Variants in NOL10 observed in about 807,000 individuals in gnomAD.
NOL10 encodes nucleolar protein 10.
NOL10 carries 58 observed loss-of-function variants against 103.5 expected under a neutral mutation model. The ratio of observed to expected loss-of-function variants is 0.56; its 90% CI spans 0.45 to 0.70. The LOEUF (loss-of-function observed/expected upper bound fraction) is 0.70. Ranked by LOEUF, NOL10 falls within the 30% of genes least tolerant of loss-of-function variation. The pLI, the probability that NOL10 is intolerant of heterozygous loss-of-function variation, is 0.00. For synonymous variants in NOL10, 287 were observed against 282.5 expected (o/e 1.02, Z -0.16); for missense variants, 763 against 807.3 (o/e 0.95, Z 0.67).
intron 19 of NOL10, among the ~76,000 whole-genome samples, chr2:10,587,117 A>ATG (rs1675103768): frequency 2.0e-5 from 1 of 51,176 alleles, no homozygotes; most frequent in African/African-American, 9.8e-5. Context: ...ATACATATAT[A>ATG]TACATATATA....
intron 13 of NOL10, among the ~76,000 whole-genome samples, chr2:10,609,557 G>A (rs927196050): frequency 1.1e-4 from 16 of 151,816 alleles, no homozygotes; most frequent in African/African-American, 3.1e-4. Context: ...CCAAGATCAC[G>A]CCACTGCACT....
intron 19 of NOL10, among the ~76,000 whole-genome samples, chr2:10,583,509 C>T (rs1030783429): frequency 4.6e-5 from 7 of 152,220 alleles, no homozygotes; most frequent in African/African-American, 7.2e-5. Context: ...ACACAGAAGA[C>T]GCATGGGCTC....
In NOL10 at chr2:10,651,527, C is replaced by CT. The variant is rs577252215; in HGVS notation, c.973+2953dup. ...AATTATTAATGATCTATTTTACATC[C>CT]TTTTTTCGTAGAATGTCTTTTAAAT... On this transcript the variant is annotated intron_variant, in intron 12 of 20. Coordinates refer to ENST00000381685, the MANE Select transcript of NOL10 (RefSeq NM_024894.4). 2.0e-3 allele frequency among the ~76,000 whole-genome samples: 306 copies of CT among 152,064 alleles called. 2 individuals are homozygous for CT. The highest frequency in any genetic ancestry group is 9.0e-3 in the South Asian group (43 of 4,802).
chr2:10,612,267 A>C (rs755521363), intron 13 of NOL10, among the ~76,000 whole-genome samples: 52 of 152,350 alleles, frequency 3.4e-4, no homozygotes, highest in Non-Finnish European at 6.9e-4. Flanking sequence ...ATTACCAGAT[A>C]AATGGTTTTA....
chr2:10,678,708 G>A (rs1681503015), intron 3 of NOL10, among the ~76,000 whole-genome samples: 2 of 152,118 alleles, frequency 1.3e-5, no homozygotes, highest in Admixed American at 6.6e-5. Flanking sequence ...GAACACCAAA[G>A]GGAATCTGAG....
chr2:10,652,831 C>CG (rs1252867604), intron 12 of NOL10, among the ~76,000 whole-genome samples: 1 of 142,630 alleles, frequency 7.0e-6, no homozygotes, highest in African/African-American at 3.1e-5. Flanking sequence ...GCCAGACACG[C>CG]CCCCCAAGCA....
Position 10,571,211 on chromosome 2 carries a change from G to C in NOL10, c.*860C>G, listed in dbSNP as rs1012934341. On this transcript the variant is annotated 3_prime_UTR_variant, in exon 21 of 21. Coordinates refer to ENST00000381685, the MANE Select transcript of NOL10 (RefSeq NM_024894.4). ...GCAGACTTCCCCCTTGCTATTCTGT[G>C]TTAGTGAGTTCTTGGAGATCTGGTG... 6.6e-6 allele frequency: 1 copy of C among 152,118 alleles called. No homozygotes were observed. The highest frequency in any genetic ancestry group is 1.5e-5 in the Non-Finnish European group (1 of 68,074). 9.4% of individuals were successfully genotyped at this position (152,118 alleles called of 1,614,324 possible).
intron 12 of NOL10, among the ~76,000 whole-genome samples, chr2:10,647,231 T>G (rs1379188715): frequency 6.6e-6 from 1 of 151,968 alleles, no homozygotes; most frequent in South Asian, 2.1e-4. Context: ...GACAAAATAG[T>G]GCCCTCCCCA....
At chr2:10,680,664 G>T (rs1681693454) in intron 3 of NOL10, among the ~76,000 whole-genome samples, 1 of 152,162 alleles carries the variant, frequency 6.6e-6, no homozygotes, top group East Asian at 1.9e-4. Context: ...AAGAGATGTA[G>T]ATAGTGTTAG....
chr2:10,607,636 C>T, intron 13 of NOL10, among the ~76,000 whole-genome samples: 1 of 151,888 alleles, frequency 6.6e-6, no homozygotes, highest in East Asian at 1.9e-4. Context: ...CATGTATCAC[C>T]TCCTTCCTTC....
rs184124587 is a variant in NOL10 at position 10,674,729 on chromosome 2, T to G, written c.289+1065A>C. Among the ~76,000 whole-genome samples, 693 of 152,238 alleles carry G rather than the reference T, an allele frequency of 4.6e-3. 2 individuals carry two copies. The highest frequency in any genetic ancestry group is 0.016 in the African/African-American group (665 of 41,540). On this transcript the variant is annotated intron_variant, in intron 4 of 20. Transcript: ENST00000381685. ...AAGTGCGCCTGTAATCCCAGCCACT[T>G]AGGAGGCTGAGGCAGGAGAATCACT... is the stretch of plus-strand genomic sequence containing the variant.
At chr2:10,583,290 A>C (rs1289114976) in intron 19 of NOL10, among the ~76,000 whole-genome samples, 2 of 152,212 alleles carry the variant, frequency 1.3e-5, no homozygotes, top group African/African-American at 4.8e-5. Context: ...AGAGAGGTGT[A>C]TGGTATGGAT....
chr2:10,665,504 G>A (rs1239790592), intron 8 of NOL10, among the ~76,000 whole-genome samples: 1 of 152,180 alleles, frequency 6.6e-6, no homozygotes. Flanking sequence ...AGCCTGATCT[G>A]ACTATGCTTA....
intron 5 of NOL10, among the ~76,000 whole-genome samples, chr2:10,672,797 A>G (rs1299702802): frequency 1.3e-5 from 2 of 152,210 alleles, no homozygotes; most frequent in Admixed American, 1.3e-4. Context: ...GTTTGAGACC[A>G]GCCTGGCCAA....
chr2:10,646,212 T>C (rs1009221440), intron 12 of NOL10, among the ~76,000 whole-genome samples: 4 of 152,156 alleles, frequency 2.6e-5, no homozygotes, highest in Non-Finnish European at 5.9e-5. Flanking sequence ...CCAGGAGCCT[T>C]TGGACATAAT....
chr2:10,668,850 GTA>G, intron 6 of NOL10, 127 bp from the exon 7 acceptor site: 1 of 347,884 alleles, frequency 2.9e-6, no homozygotes, highest in Non-Finnish European at 5.2e-6. Flanking sequence ...ATACAAAAAC[GTA>G]TTCTAAATCT....
intron 12 of NOL10, among the ~76,000 whole-genome samples, chr2:10,646,510 G>A (rs1217421768): frequency 6.6e-6 from 1 of 152,226 alleles, no homozygotes; most frequent in Non-Finnish European, 1.5e-5. Flanking sequence ...AAACTCAAGT[G>A]AGGAGGGTCA....
intron 13 of NOL10, among the ~76,000 whole-genome samples, chr2:10,618,075 CTA>C (rs1676930002): frequency 6.6e-6 from 1 of 150,382 alleles, no homozygotes. Context: ...TGGGGTCTCA[CTA>C]TGTTACCCAG....
At chr2:10,649,568 C>T (rs1679326505) in intron 12 of NOL10, among the ~76,000 whole-genome samples, 1 of 152,058 alleles carries the variant, frequency 6.6e-6, no homozygotes, top group African/African-American at 2.4e-5. Flanking sequence ...GATCTGCATG[C>T]CTCGGCCTCC....
Sources: allele counts gnomAD v4.1 joint callset (sites outside exome capture counted in the v4.1 genomes callset), GRCh38; gene constraint gnomAD v4.1.1; transcripts MANE v1.5; gene names NCBI Gene and HGNC (gene_info 2026-07-23, HGNC 2026-07-21).